The following XPR1 variants were observed in gnomAD, a reference collection of about 807,000 sequenced individuals.
XPR1 encodes the protein xenotropic and polytropic retrovirus receptor 1, also known as solute carrier family 53 member 1.
XPR1 carries 28 observed loss-of-function variants against 87.5 expected under a neutral mutation model. That is an observed-to-expected ratio of 0.32 (90% CI 0.24 to 0.44). The LOEUF is 0.44. Among genes scored for constraint, XPR1 ranks in the 20% least tolerant of loss-of-function variants. XPR1 has a pLI of 1.00. For synonymous variants in XPR1, 300 were observed against 306.1 expected, an observed-to-expected ratio of 0.98 and a Z score of 0.21; for missense variants, 559 against 862.3, an observed-to-expected ratio of 0.65 and a Z score of 4.41.
At chr1:180,642,832 T>A (rs185063972) in intron 1 of XPR1, among the ~76,000 whole-genome samples, 63 of 152,168 alleles carry the variant, frequency 4.1e-4, no homozygotes, top group African/African-American at 1.4e-3. Context: ...CTTGGAAGGA[T>A]CTGCAGAGGT....
intron 2 of XPR1, among the ~76,000 whole-genome samples, chr1:180,785,947 A>T (rs1649122176): frequency 2.7e-5 from 4 of 150,924 alleles, no homozygotes; most frequent in Admixed American, 6.6e-5. Flanking sequence ...TCAGCTTTAA[A>T]AAAAAAAAAA....
Position 180,787,776 on chromosome 1 carries a change from A to C in XPR1, c.145A>C (p.Arg49=), listed in dbSNP as rs755987225. 2 of 1,612,956 alleles carry C rather than the reference A, an allele frequency of 1.2e-6. No individual in the cohort carries two copies. The highest frequency in any genetic ancestry group is 1.1e-5 in the South Asian group (1 of 90,788). The stretch of plus-strand genomic sequence containing the variant: ...AGTTACAGATGAGGACACAGTAAAG[A>C]GGTATTTTGCCAAGTTTGAAGAGAA... ...VEVTDEDTVK[R]YFAKFEEKFF... is the part of the protein sequence containing the mutation. The change falls in exon 3 of 15, where the codon AGG becomes CGG. Residue 49 remains arginine (R), a synonymous_variant. Coordinates refer to ENST00000367590, the MANE Select transcript of XPR1 (RefSeq NM_004736.4).
At chr1:180,667,905 T>C (rs1299492490) in intron 1 of XPR1, among the ~76,000 whole-genome samples, 1 of 152,136 alleles carries the variant, frequency 6.6e-6, no homozygotes, top group Non-Finnish European at 1.5e-5. Flanking sequence ...ATAATACTTT[T>C]TATTTCTATA....
Position 180,880,239 on chromosome 1 carries a change from A to T in XPR1, c.1972A>T (p.Asn658Tyr). The stretch of plus-strand genomic sequence containing the variant: ...TGATGGGGTACGAAACCGCCAGAAG[A>T]ATCGGTCATGGAAGTACAACCAGAG... ...QDDGVRNRQK[N>Y]RSWKYNQSIS... Residue 658 changes from asparagine (N) to tyrosine (Y), a missense_variant, in exon 14 of 15, where the codon AAT becomes TAT. Physicochemically the swap from Asn to Tyr is moderately radical, Grantham distance 143. This residue lies in a region of XPR1 where 80 missense variants were observed against 99.5 expected (regional missense o/e 0.80). Transcript: ENST00000367590. The T allele has an allele frequency of 6.2e-7, 1 of 1,614,166 alleles. No individual in the cohort carries two copies. Among genetic ancestry groups the T allele is most frequent in the Non-Finnish European group, 8.5e-7 (1 of 1,180,024 alleles).
At chr1:180,777,747 C>T (rs1490425020) in intron 2 of XPR1, among the ~76,000 whole-genome samples, 4 of 152,008 alleles carry the variant, frequency 2.6e-5, no homozygotes, top group Admixed American at 2.6e-4. Flanking sequence ...AAACACACAC[C>T]TTTTTTTGGT....
At chr1:180,809,803 A>T (rs1487297816) in intron 6 of XPR1, among the ~76,000 whole-genome samples, 1 of 152,300 alleles carries the variant, frequency 6.6e-6, no homozygotes, top group Non-Finnish European at 1.5e-5. Context: ...AATAAATTAT[A>T]TGCATTCTTT....
At chr1:180,767,084 G>C (rs1410650956) in intron 2 of XPR1, among the ~76,000 whole-genome samples, 2 of 152,120 alleles carry the variant, frequency 1.3e-5, no homozygotes, top group African/African-American at 4.8e-5. Context: ...ACTTGACCAA[G>C]TTCTTGTTAG....
chr1:180,792,257 A>G (rs1649415675), intron 3 of XPR1, among the ~76,000 whole-genome samples: 1 of 152,312 alleles, frequency 6.6e-6, no homozygotes, highest in East Asian at 1.9e-4. Flanking sequence ...AAAATGCTCC[A>G]TTTTTAAGTG....
chr1:180,690,328 A>G (rs191929988), intron 2 of XPR1, among the ~76,000 whole-genome samples: 3 of 152,228 alleles, frequency 2.0e-5, no homozygotes, highest in African/African-American at 7.2e-5. Context: ...ACTGAACATG[A>G]AATTTGAGAG....
At chr1:180,703,255 G>T (rs1657419499) in intron 2 of XPR1, among the ~76,000 whole-genome samples, 1 of 152,104 alleles carries the variant, frequency 6.6e-6, no homozygotes, top group Non-Finnish European at 1.5e-5. Context: ...TGATCAGGGT[G>T]GGTTGATTCC....
intron 2 of XPR1, among the ~76,000 whole-genome samples, chr1:180,710,951 G>A (rs1230592225): frequency 1.1e-4 from 16 of 149,988 alleles, no homozygotes; most frequent in Non-Finnish European, 1.9e-4. Context: ...GCTGCTGGGC[G>A]GAGGGGCTCC....
In XPR1 at chr1:180,689,390, T is replaced by C. The variant is rs191722001; in HGVS notation, c.121+6979T>C. On this transcript the variant is annotated intron_variant, in intron 2 of 14. Transcript: ENST00000367590. ...ATTTTTAAAAGATTTAAGAATTTTT[T>C]AAAACATTACTTTGAAAAATACTAG... 5.2e-3 allele frequency among the ~76,000 whole-genome samples: 787 copies of C among 152,342 alleles called. 4 individuals carry two copies. Among genetic ancestry groups the C allele is most frequent in the Non-Finnish European group, 9.0e-3 (610 of 68,016 alleles).
At position 180,754,212 on chromosome 1, in the gene XPR1, A is replaced by G. The variant is rs367943308; in HGVS notation, c.122-33541A>G. On this transcript the variant is annotated intron_variant, in intron 2 of 14. Transcript: ENST00000367590. ...AAAGCAAGATCCTAGTATGTCTTAT[A>G]CTATTATCTATTCTGGCTACTAGGT... Among the ~76,000 whole-genome samples the G allele has an allele frequency of 9.2e-5, 14 of 152,282 alleles. 1 individual carries two copies. The highest frequency in any genetic ancestry group is 7.7e-4 in the East Asian group (4 of 5,182).
At chr1:180,825,467 G>GT in intron 9 of XPR1, 123 bp downstream of exon 9, 2 of 992,932 alleles carry the variant, frequency 2.0e-6, no homozygotes. Context: ...TATAGTTTAT[G>GT]TGAGTGGAGG....
At chr1:180,752,933 A>G (rs1041404827) in intron 2 of XPR1, among the ~76,000 whole-genome samples, 1 of 152,200 alleles carries the variant, frequency 6.6e-6, no homozygotes, top group Non-Finnish European at 1.5e-5. Context: ...AAGCCTTAGA[A>G]GTTGATAGAA....
chr1:180,768,983 T>C (rs1244296437), intron 2 of XPR1, among the ~76,000 whole-genome samples: 3 of 152,200 alleles, frequency 2.0e-5, no homozygotes, highest in African/African-American at 7.2e-5. Context: ...GTAGGTCAAC[T>C]TTGGTGCTCC....
At chr1:180,798,148 C>T (rs1217836588) in intron 3 of XPR1, among the ~76,000 whole-genome samples, 2 of 151,744 alleles carry the variant, frequency 1.3e-5, no homozygotes, top group Non-Finnish European at 2.9e-5. Flanking sequence ...ACAAAATTAT[C>T]AGGAAAATAA....
intron 14 of XPR1, among the ~76,000 whole-genome samples, chr1:180,883,506 T>G (rs4542178): frequency 2.0e-5 from 3 of 152,050 alleles, no homozygotes; most frequent in Non-Finnish European, 4.4e-5. Context: ...GTCAGGAGTT[T>G]GAGACCAGCC....
intron 1 of XPR1, among the ~76,000 whole-genome samples, chr1:180,656,475 C>CATTATATATAATATATATAT (rs1655499337): frequency 4.1e-4 from 2 of 4,846 alleles, no homozygotes; most frequent in African/African-American, 7.6e-4. Flanking sequence ...AATATTTATA[C>CATTATATATAATATATATAT]ATTATATATA....
Sources: gnomAD v4.1 joint callset for allele counts (sites outside exome capture counted in the v4.1 genomes callset) on GRCh38, gnomAD v4.1.1 for gene constraint, gnomAD v4.1.1 regional missense constraint, MANE v1.5 for transcripts, NCBI Gene and HGNC (gene_info 2026-07-23, HGNC 2026-07-21) for gene names.